SP6: variants seen among roughly 807,000 people sequenced by gnomAD.
SP6 encodes the protein Sp6 transcription factor.
Under a neutral mutation model 23.4 loss-of-function variants are expected in SP6, and 10 were observed. That is an observed-to-expected ratio of 0.43 (90% confidence interval 0.26 to 0.72). SP6 has a LOEUF of 0.72. Among genes scored for constraint, SP6 ranks in the 30% least tolerant of loss-of-function variants. The probability of loss-of-function intolerance (pLI) is 0.23; values close to 1 mark genes in which losing one functional copy is unlikely to be tolerated. For missense variants in SP6, 482 were observed against 523.8 expected (o/e 0.92, Z 0.78); for synonymous variants, 238 against 238.7 (o/e 1.00, Z 0.03).
At chr17:47,873,308 CA>C in the SP6 span, among the ~76,000 whole-genome samples, 1 of 152,190 alleles carries the variant, frequency 6.6e-6, no homozygotes, top group African/African-American at 2.4e-5. Flanking sequence ...ACCTGGGACC[CA>C]TCTGCAAAGG....
chr17:47,848,181 G>T lies in SP6; in HGVS notation c.249C>A (p.Ser83Arg), dbSNP rs991850965. The change falls in exon 2 of 2, where the codon AGC (serine) becomes AGA (arginine). Residue 83 changes from serine (S) to arginine (R), a missense_variant. Ser to Arg is a moderately radical substitution (Grantham distance 110). Coordinates refer to ENST00000536300, the MANE Select transcript of SP6 (RefSeq NM_001258248.2). The surrounding 1 kb of genome is among the most constrained non-coding windows in gnomAD (Gnocchi z 5.3). ...AGGGGCCCGGGGCCAAGGGACTGTC[G>T]CTTTCCAGGTCCTCGCAGGTTACCC... The part of the protein sequence containing the change: ...SSRVTCEDLE[S>R]DSPLAPGPFS... The T allele has an allele frequency of 6.2e-7, 1 of 1,613,154 alleles. No homozygotes were observed. Among genetic ancestry groups the T allele is most frequent in the Admixed American group, 1.7e-5 (1 of 60,032 alleles).
chr17:47,861,607 C>T, the SP6 span, among the ~76,000 whole-genome samples: 175 of 152,282 alleles, frequency 1.1e-3, 1 homozygote, highest in African/African-American at 4.0e-3. Flanking sequence ...GCGGTGCGCG[C>T]CTGTAGTCCC....
chr17:47,872,931 G>A, the SP6 span, among the ~76,000 whole-genome samples: 3 of 152,198 alleles, frequency 2.0e-5, no homozygotes, highest in Non-Finnish European at 2.9e-5. Context: ...CGGGGCTGGA[G>A]AGGGCGGAAG....
At chr17:47,852,318 G>A (rs1462041204), upstream of SP6, among the ~76,000 whole-genome samples, 2 of 151,946 alleles carry the variant, frequency 1.3e-5, no homozygotes, top group African/African-American at 4.8e-5. Context: ...GCAAAGCACC[G>A]GTGGGTAGGG....
the SP6 span, among the ~76,000 whole-genome samples, chr17:47,866,277 G>A: frequency 6.6e-6 from 1 of 152,138 alleles, no homozygotes; most frequent in Non-Finnish European, 1.5e-5. Flanking sequence ...GGGAGGGCAG[G>A]GAAGAAAGGT....
At chr17:47,854,156 C>T (rs942533163), upstream of SP6, among the ~76,000 whole-genome samples, 1 of 152,158 alleles carries the variant, frequency 6.6e-6, no homozygotes, top group Non-Finnish European at 1.5e-5. Flanking sequence ...TGTCCAACCC[C>T]CATTCCTGCC....
At chr17:47,866,949 G>A in the SP6 span, among the ~76,000 whole-genome samples, 1 of 151,830 alleles carries the variant, frequency 6.6e-6, no homozygotes, top group African/African-American at 2.4e-5. Flanking sequence ...AGAGGATCGT[G>A]TCCAGGCGAA....
chr17:47,850,183 A>G (rs2033939588), intron 1 of SP6, among the ~76,000 whole-genome samples: 1 of 152,152 alleles, frequency 6.6e-6, no homozygotes, highest in Non-Finnish European at 1.5e-5. Context: ...GGAGGATGGG[A>G]AGGCTAGGAT....
chr17:47,850,441 C>T (rs1479278729), intron 1 of SP6, among the ~76,000 whole-genome samples: 1 of 152,024 alleles, frequency 6.6e-6, no homozygotes, highest in Non-Finnish European at 1.5e-5. Flanking sequence ...AGGTGGCAAC[C>T]CTTAGGTTGC....
At chr17:47,853,648 G>A (rs1228024615), upstream of SP6, among the ~76,000 whole-genome samples, 8 of 152,144 alleles carry the variant, frequency 5.3e-5, no homozygotes, top group Non-Finnish European at 1.2e-4. Context: ...GCCCGAGGAT[G>A]GTAGACACTC....
the SP6 span, among the ~76,000 whole-genome samples, chr17:47,866,436 T>C: frequency 6.6e-6 from 1 of 152,136 alleles, no homozygotes; most frequent in Admixed American, 6.5e-5. Flanking sequence ...GCCATGGTGA[T>C]GCCTGGGAAG....
the SP6 span, among the ~76,000 whole-genome samples, chr17:47,867,127 C>A: frequency 6.9e-6 from 1 of 145,204 alleles, no homozygotes; most frequent in Admixed American, 6.7e-5. Flanking sequence ...GGCCGTCAGA[C>A]CCCGTCTTAT....
the SP6 span, among the ~76,000 whole-genome samples, chr17:47,875,459 G>A: frequency 1.3e-5 from 2 of 152,102 alleles, no homozygotes; most frequent in African/African-American, 4.8e-5. Flanking sequence ...AGCAACTCCC[G>A]GTGCCTCCCT....
chr17:47,872,442 G>T, the SP6 span, among the ~76,000 whole-genome samples: 7 of 152,306 alleles, frequency 4.6e-5, no homozygotes, highest in African/African-American at 9.6e-5. Context: ...TCTGGGCCGT[G>T]GGGGGAGCTA....
the SP6 span, among the ~76,000 whole-genome samples, chr17:47,868,895 AG>A: frequency 6.6e-6 from 1 of 152,188 alleles, no homozygotes; most frequent in African/African-American, 2.4e-5. Context: ...GGCAGATGAA[AG>A]GGCGTCTTTG....
Position 47,847,386 on chromosome 17 carries a change from C to T in SP6, c.1044G>A (p.Ser348=), listed in dbSNP as rs1243024351. 1.9e-6 allele frequency: 3 copies of T among 1,612,246 alleles called. No individual in the cohort carries two copies. Among genetic ancestry groups the T allele is most frequent in the Non-Finnish European group, 2.5e-6 (3 of 1,179,512 alleles). The change falls in exon 2 of 2, where the codon TCG becomes TCA. Residue 348 remains serine, a synonymous_variant. Coordinates refer to ENST00000536300, the MANE Select transcript of SP6 (RefSeq NM_001258248.2). Reference sequence around the variant, plus strand: ...CTGCGCCGCCGGCCTTGCCCTCTCCCGAGGCCGCCCCAGCCGCCTCCTCCT... The same window carrying T: ...CTGCGCCGCCGGCCTTGCCCTCTCCTGAGGCCGCCCCAGCCGCCTCCTCCT... ...GAKEEAAGAA[S]GEGKAGGAVE...
chr17:47,850,027 G>A (rs1304255114), intron 1 of SP6, among the ~76,000 whole-genome samples: 1 of 152,166 alleles, frequency 6.6e-6, no homozygotes, highest in African/African-American at 2.4e-5. Flanking sequence ...CTCAGGCTCC[G>A]GCTGCCTCAC....
At position 47,847,355 on chromosome 17, in the gene SP6, G is replaced by C. The variant is rs996822211; in HGVS notation, c.1075C>G (p.Pro359Ala). The part of the protein sequence containing the change: ...GEGKAGGAVE[P>A]PGGKGKREAE... Reference sequence around the variant, plus strand: ...TCGCGTTTGCCTTTGCCCCCGGGGGGCTCCACTGCGCCGCCGGCCTTGCCC... The same window carrying C: ...TCGCGTTTGCCTTTGCCCCCGGGGGCCTCCACTGCGCCGCCGGCCTTGCCC... The change falls in exon 2 of 2, where the codon CCC becomes GCC. Residue 359 changes from proline to alanine, a missense_variant. This residue lies in a region of SP6 where 101 missense variants were observed against 99.3 expected (regional missense o/e 1.02). Transcript: ENST00000536300. 6.2e-7 allele frequency: 1 copy of C among 1,603,642 alleles called. No individual in the cohort carries two copies. The highest frequency in any genetic ancestry group is 8.5e-7 in the Non-Finnish European group (1 of 1,175,288).
the SP6 span, among the ~76,000 whole-genome samples, chr17:47,875,752 A>C: frequency 6.6e-6 from 1 of 152,174 alleles, no homozygotes; most frequent in Non-Finnish European, 1.5e-5. Flanking sequence ...GATTCTCTGA[A>C]AACTTTCCAG....
Sources: gnomAD v4.1 joint callset for allele counts (sites outside exome capture counted in the v4.1 genomes callset) on GRCh38, gnomAD v4.1.1 for gene constraint, gnomAD v4.1.1 regional missense constraint, Gnocchi (gnomAD v3.1) non-coding constraint, MANE v1.5 for transcripts, NCBI Gene and HGNC (gene_info 2026-07-23, HGNC 2026-07-21) for gene names.